Variants in GABRA1 observed in about 807,000 individuals in gnomAD.
The protein encoded by GABRA1 is gamma-aminobutyric acid type A receptor subunit alpha1.
GABRA1 carries 9 observed loss-of-function variants against 48.9 expected under a neutral mutation model. The observed-to-expected ratio is 0.18, with a 90% confidence interval of 0.11 to 0.32. The LOEUF is 0.32. Among genes scored for constraint, GABRA1 ranks in the 10% least tolerant of loss-of-function variants. GABRA1 has a pLI of 1.00. For synonymous variants in GABRA1, 210 were observed against 198.7 expected (o/e 1.06, Z -0.48); for missense variants, 285 against 553.8 (o/e 0.51, Z 4.87).
At chr5:161,880,950 C>A (rs1754589236) in intron 6 of GABRA1, among the ~76,000 whole-genome samples, 1 of 152,110 alleles carries the variant, frequency 6.6e-6, no homozygotes, top group Non-Finnish European at 1.5e-5. Context: ...CTTTTATGAG[C>A]CCTAGGCACT....
At chr5:161,858,155 C>T (rs1460481071) in intron 3 of GABRA1, among the ~76,000 whole-genome samples, 1 of 151,370 alleles carries the variant, frequency 6.6e-6, no homozygotes, top group African/African-American at 2.4e-5. Flanking sequence ...TTATATGGCT[C>T]TTTTAGTTTT....
At chr5:161,871,282 C>G (rs1754110822) in intron 4 of GABRA1, among the ~76,000 whole-genome samples, 2 of 152,126 alleles carry the variant, frequency 1.3e-5, no homozygotes, top group Admixed American at 1.3e-4. Context: ...TTCATGGGAA[C>G]GTGGTCACCT....
chr5:161,887,274 T>C (rs1394791529), intron 7 of GABRA1, among the ~76,000 whole-genome samples: 5 of 152,162 alleles, frequency 3.3e-5, no homozygotes, highest in Non-Finnish European at 1.5e-5. Flanking sequence ...CATGAGTTGA[T>C]GTAATCATGA....
In GABRA1 at chr5:161,873,273, A is replaced by G; in HGVS notation, c.412A>G (p.Asn138Asp). The part of the protein sequence containing the change: ...FHNGKKSVAH[N>D]MTMPNKLLRI... ...CAATGGAAAGAAGTCAGTGGCCCAC[A>G]ACATGACCATGCCCAACAAACTCCT... Residue 138 changes from asparagine (N) to aspartate (D), a missense_variant, in exon 5 of 10, where the codon AAC (asparagine) becomes GAC (aspartate). By Grantham distance (23) the Asn-to-Asp change is conservative. Coordinates refer to ENST00000393943, the MANE Select transcript of GABRA1 (RefSeq NM_001127644.2). 6.2e-7 allele frequency: 1 copy of G among 1,613,904 alleles called. No homozygotes were observed. Among genetic ancestry groups the G allele is most frequent in the Non-Finnish European group, 8.5e-7 (1 of 1,179,860 alleles).
At chr5:161,880,996 T>A (rs1222243396) in intron 6 of GABRA1, among the ~76,000 whole-genome samples, 2 of 152,202 alleles carry the variant, frequency 1.3e-5, no homozygotes, top group East Asian at 3.8e-4. Flanking sequence ...AGAAGAAAAT[T>A]AAAATTATTT....
chr5:161,857,242 T>C (rs1757684892), intron 3 of GABRA1, among the ~76,000 whole-genome samples: 1 of 151,356 alleles, frequency 6.6e-6, no homozygotes, highest in Non-Finnish European at 1.5e-5. Context: ...TATATAAAAG[T>C]AACAACATTA....
chr5:161,852,310 G>A (rs1757475430), intron 2 of GABRA1, among the ~76,000 whole-genome samples: 1 of 151,846 alleles, frequency 6.6e-6, no homozygotes, highest in African/African-American at 2.4e-5. Flanking sequence ...TGTAGATAAA[G>A]GTAATAAACA....
intron 2 of GABRA1, among the ~76,000 whole-genome samples, chr5:161,852,570 C>A (rs1307277035): frequency 1.3e-5 from 2 of 151,882 alleles, no homozygotes; most frequent in Non-Finnish European, 2.9e-5. Flanking sequence ...ATTCACAAAA[C>A]TATTTTTGCC....
intron 4 of GABRA1, among the ~76,000 whole-genome samples, chr5:161,866,598 A>G (rs746615283): frequency 6.6e-6 from 1 of 152,154 alleles, no homozygotes; most frequent in African/African-American, 2.4e-5. Flanking sequence ...AAAATAGCTC[A>G]CAGAGGGTCA....
intron 6 of GABRA1, chr5:161,882,284 C>A: frequency 2.1e-6 from 1 of 477,054 alleles, no homozygotes; most frequent in Non-Finnish European, 3.8e-6. Context: ...AGATAAAGAA[C>A]ATTTGTTCTT....
chr5:161,873,075 T>C (rs1268618331), intron 4 of GABRA1, 42 bp from the exon 5 acceptor site: 3 of 1,453,298 alleles, frequency 2.1e-6, no homozygotes, highest in East Asian at 2.3e-5. Context: ...CATTGCAAAA[T>C]ACAGCACAGT....
rs772119155 is a variant in GABRA1, at chr5:161,850,736, G to A, written c.-15-60G>A. On this transcript the variant is annotated intron_variant, in intron 1 of 9. Transcript: ENST00000393943. ...ATCTAAACTGCCTCAGTCAGCCCTGGTGGTTATAACCTGATGTTTCTTGCT... is the reference window on the plus strand; with the variant it reads ...ATCTAAACTGCCTCAGTCAGCCCTGATGGTTATAACCTGATGTTTCTTGCT... 15 of 1,396,620 alleles carry A rather than the reference G, an allele frequency of 1.1e-5. No homozygotes were observed. In the Middle Eastern group the frequency reaches 5.3e-4, roughly 49 times the overall value. The allele number at this position is 1,396,620 out of a possible 1,614,324, so 86.5% of individuals were successfully genotyped here.
Position 161,851,003 on chromosome 5 carries a change from T to C in GABRA1, c.74+119T>C, listed in dbSNP as rs970788997. On this transcript the variant is annotated intron_variant, in intron 2 of 9. Transcript: ENST00000393943. ...ACTAAGGGAATTCAGAAAACTTAACTGCAATAATTTCCAGCTAAGAATAAA... is the reference window on the plus strand; with the variant it reads ...ACTAAGGGAATTCAGAAAACTTAACCGCAATAATTTCCAGCTAAGAATAAA... 11 of 805,098 alleles carry C rather than the reference T, an allele frequency of 1.4e-5. No individual in the cohort carries two copies. In the African/African-American group the frequency reaches 1.5e-4, roughly 11 times the overall value. 49.9% of individuals were successfully genotyped at this position (805,098 alleles called of 1,614,324 possible).
chr5:161,863,282 G>T (rs999365302), intron 3 of GABRA1, among the ~76,000 whole-genome samples: 5 of 151,916 alleles, frequency 3.3e-5, no homozygotes, highest in African/African-American at 1.2e-4. Flanking sequence ...TTGCTATAGA[G>T]AAATAACTGA....
At chr5:161,859,511 A>G (rs1336463293) in intron 3 of GABRA1, among the ~76,000 whole-genome samples, 2 of 151,782 alleles carry the variant, frequency 1.3e-5, no homozygotes, top group Admixed American at 6.6e-5. Flanking sequence ...GTGCTCTAAA[A>G]AGATCAAAGT....
chr5:161,891,738 C>T (rs917291026), intron 8 of GABRA1, among the ~76,000 whole-genome samples: 10 of 152,088 alleles, frequency 6.6e-5, no homozygotes, highest in African/African-American at 2.4e-4. Flanking sequence ...TATACTATTT[C>T]AACTGTATTT....
At chr5:161,875,486 T>C in intron 5 of GABRA1, 74 bp from the exon 6 acceptor site, 1 of 1,170,298 alleles carries the variant, frequency 8.5e-7, no homozygotes, top group Non-Finnish European at 1.3e-6. Flanking sequence ...CTACAGTTAA[T>C]AACATTCCAC....
chr5:161,889,380 G>T (rs1236923322), intron 7 of GABRA1, among the ~76,000 whole-genome samples: 2 of 152,082 alleles, frequency 1.3e-5, no homozygotes. Flanking sequence ...AAGGGTAAGA[G>T]AGTTTAAGTG....
chr5:161,874,687 T>C (rs1754269618), intron 5 of GABRA1, among the ~76,000 whole-genome samples: 1 of 152,218 alleles, frequency 6.6e-6, no homozygotes. Context: ...ATTTATACTT[T>C]GTATATTTGC....
Sources: gnomAD v4.1 joint callset for allele counts (sites outside exome capture counted in the v4.1 genomes callset) on GRCh38, gnomAD v4.1.1 for gene constraint, MANE v1.5 for transcripts, NCBI Gene and HGNC (gene_info 2026-07-23, HGNC 2026-07-21) for gene names.